DOCK10: variants seen among roughly 807,000 people sequenced by gnomAD.
The protein encoded by DOCK10 is dedicator of cytokinesis 10.
In DOCK10, 145 loss-of-function variants were observed where a neutral mutation model predicts 280.1. The ratio of observed to expected loss-of-function variants is 0.52; its 90% CI spans 0.45 to 0.59. The LOEUF is 0.59. Ranked by LOEUF, DOCK10 falls within the 20% of genes least tolerant of loss-of-function variation. The pLI is 0.00. For synonymous variants in DOCK10, 915 were observed against 942.2 expected (o/e 0.97, Z 0.53); for missense variants, 2,368 against 2,651.7 (o/e 0.89, Z 2.35).
At position 224,958,077 on chromosome 2, in the gene DOCK10, T is replaced by C. The variant is rs568894534; in HGVS notation, c.124-26409A>G. ...TCCCTAACCTCTCTGGAAATGAGTC[T>C]CCTTATCTGCAAAATAAAGATAACC... On this transcript the variant is annotated intron_variant, in intron 1 of 55. Coordinates refer to ENST00000258390, the MANE Select transcript of DOCK10 (RefSeq NM_014689.3). Among the ~76,000 whole-genome samples, 28 of 152,326 alleles carry C rather than the reference T, an allele frequency of 1.8e-4. No homozygotes were observed. In the South Asian group the frequency reaches 5.4e-3, roughly 29 times the overall value.
chr2:224,988,263 C>T (rs1006316289), intron 1 of DOCK10, among the ~76,000 whole-genome samples: 1 of 152,124 alleles, frequency 6.6e-6, no homozygotes, highest in South Asian at 2.1e-4. Flanking sequence ...GTAATTACAT[C>T]CTGATTGATT....
At chr2:224,926,523 C>T (rs1207115653) in intron 2 of DOCK10, among the ~76,000 whole-genome samples, 1 of 152,170 alleles carries the variant, frequency 6.6e-6, no homozygotes, top group Non-Finnish European at 1.5e-5. Context: ...CAGAGCGAGA[C>T]TCCATCTCTT....
intron 1 of DOCK10, among the ~76,000 whole-genome samples, chr2:225,038,073 A>T (rs1458569939): frequency 6.6e-6 from 1 of 152,250 alleles, no homozygotes; most frequent in African/African-American, 2.4e-5. Flanking sequence ...GACTCTGTCC[A>T]GAACAACAAA....
At chr2:224,875,094 C>T (rs1698538795) in intron 8 of DOCK10, among the ~76,000 whole-genome samples, 1 of 152,164 alleles carries the variant, frequency 6.6e-6, no homozygotes, top group Non-Finnish European at 1.5e-5. Flanking sequence ...GTAATTCTGG[C>T]TCTCAGGCTA....
At chr2:224,909,781 G>C (rs531128462) in intron 3 of DOCK10, among the ~76,000 whole-genome samples, 5 of 33,766 alleles carry the variant, frequency 1.5e-4, no homozygotes, top group South Asian at 8.7e-4. Flanking sequence ...TACTCAACTA[G>C]AGCTTGATGT....
rs1037450130 is a variant in DOCK10, at chr2:224,795,050, T to C, written c.4983A>G (p.Ile1661Met). The change falls in exon 45 of 56, where the codon ATA (isoleucine) becomes ATG (methionine). Residue 1661 changes from isoleucine to methionine, a missense_variant. This residue lies in a region of DOCK10 where 1,159 missense variants were observed against 1,400.8 expected (regional missense o/e 0.83). Transcript: ENST00000258390. Reference protein sequence around the residue: ...PAEVKDLTKRIRTVLMATAQM... With the variant: ...PAEVKDLTKRMRTVLMATAQM... Reference sequence around the variant, plus strand: ...GAGCTGTGGCCATCAAAACAGTCCTTATACGCTTAGTCAGGTCCTTCACCT... The same window carrying C: ...GAGCTGTGGCCATCAAAACAGTCCTCATACGCTTAGTCAGGTCCTTCACCT... 3.7e-5 allele frequency: 60 copies of C among 1,613,856 alleles called. No individual in the cohort carries two copies. Among genetic ancestry groups the C allele is most frequent in the Non-Finnish European group, 4.8e-5 (57 of 1,179,880 alleles).
In DOCK10 at chr2:224,966,442, G is replaced by T. The variant is rs143029361; in HGVS notation, c.124-34774C>A. 7.9e-3 allele frequency among the ~76,000 whole-genome samples: 1,204 copies of T among 152,220 alleles called. 14 individuals carry two copies. The highest frequency in any genetic ancestry group is 0.027 in the African/African-American group (1,135 of 41,524). On this transcript the variant is annotated intron_variant, in intron 1 of 55. Coordinates refer to ENST00000258390, the MANE Select transcript of DOCK10 (RefSeq NM_014689.3). ...ACCATCACCAAATGCTTCATGGCCT[G>T]TTAAGATTTATATAAGACTGACTTT...
chr2:224,889,572 C>T (rs2125785073), intron 4 of DOCK10, among the ~76,000 whole-genome samples: 1 of 152,264 alleles, frequency 6.6e-6, no homozygotes, highest in Non-Finnish European at 1.5e-5. Context: ...AGGAGGTTAT[C>T]CTTTCTTCTT....
At chr2:225,031,509 G>A (rs1164835340) in intron 1 of DOCK10, among the ~76,000 whole-genome samples, 1 of 152,202 alleles carries the variant, frequency 6.6e-6, no homozygotes, top group African/African-American at 2.4e-5. Context: ...CTGGGTCCAG[G>A]ACAGATCATA....
chr2:224,933,130 A>T (rs1034416032), intron 1 of DOCK10, among the ~76,000 whole-genome samples: 1 of 152,248 alleles, frequency 6.6e-6, no homozygotes, highest in Admixed American at 6.5e-5. Context: ...GTTGACGAAC[A>T]TATTTAATGA....
At chr2:224,840,615 T>C (rs1485814121) in intron 23 of DOCK10, among the ~76,000 whole-genome samples, 2 of 152,098 alleles carry the variant, frequency 1.3e-5, no homozygotes, top group African/African-American at 4.8e-5. Context: ...AAGATAATAA[T>C]TATTGGAGAG....
chr2:225,013,183 GA>G (rs1689491475), intron 1 of DOCK10, among the ~76,000 whole-genome samples: 1 of 152,068 alleles, frequency 6.6e-6, no homozygotes, highest in Admixed American at 6.6e-5. Flanking sequence ...TCACATCAGG[GA>G]GATTGCACAA....
At chr2:224,778,767 C>A (rs770377375) in intron 50 of DOCK10, among the ~76,000 whole-genome samples, 2 of 152,176 alleles carry the variant, frequency 1.3e-5, no homozygotes, top group African/African-American at 4.8e-5. Context: ...GTGCATCCCA[C>A]ATAATCTTAG....
At chr2:224,899,516 T>C (rs1700173556) in intron 3 of DOCK10, among the ~76,000 whole-genome samples, 1 of 151,976 alleles carries the variant, frequency 6.6e-6, no homozygotes, top group Admixed American at 6.6e-5. Context: ...TGTTAGAAAA[T>C]GGTGGTGTCA....
chr2:224,862,429 G>T, intron 14 of DOCK10: 1 of 386,416 alleles, frequency 2.6e-6, no homozygotes. Context: ...AGCATATCTG[G>T]TCATGCATGC....
chr2:224,916,657 A>G (rs1248575539), intron 3 of DOCK10, 38 bp downstream of exon 3: 2 of 1,479,848 alleles, frequency 1.4e-6, no homozygotes, highest in Non-Finnish European at 1.9e-6. Flanking sequence ...GGAAAAAGCA[A>G]AAGCCTTAAA....
chr2:224,993,194 C>T (rs1261838143), intron 1 of DOCK10, among the ~76,000 whole-genome samples: 6 of 135,342 alleles, frequency 4.4e-5, no homozygotes, highest in Non-Finnish European at 8.1e-5. Flanking sequence ...GATGGTCTTT[C>T]TTTGGAAGTT....
At position 224,819,458 on chromosome 2, in the gene DOCK10, G is replaced by A. The variant is rs373720574; in HGVS notation, c.3255C>T (p.Ser1085=). 2.5e-6 allele frequency: 4 copies of A among 1,606,486 alleles called. No individual in the cohort carries two copies. In the African/African-American group the frequency reaches 4.0e-5, roughly 16 times the overall value. The change falls in exon 29 of 56, where the codon TCC becomes TCT. Residue 1085 remains serine (S), a synonymous_variant. Coordinates refer to ENST00000258390, the MANE Select transcript of DOCK10 (RefSeq NM_014689.3). The part of the protein sequence containing the change: ...MVNNYISMFS[S]GDLKTLCQYK... ...ACGTGGTTCTTACCTTAAGGTCACC[G>A]GAGGAGAACATGCTGATGTAATTGT... is the stretch of plus-strand genomic sequence containing the variant.
chr2:224,914,705 C>T (rs1701216428), intron 3 of DOCK10, among the ~76,000 whole-genome samples: 1 of 151,904 alleles, frequency 6.6e-6, no homozygotes, highest in African/African-American at 2.4e-5. Flanking sequence ...TAAGGTCTCC[C>T]CCTAAATTCA....
Sources: allele counts gnomAD v4.1 joint callset (sites outside exome capture counted in the v4.1 genomes callset), GRCh38; gene constraint gnomAD v4.1.1; regional missense constraint gnomAD v4.1.1; transcripts MANE v1.5; gene names NCBI Gene and HGNC (gene_info 2026-07-23, HGNC 2026-07-21).